Variants in KAZN observed in about 807,000 individuals in gnomAD.
KAZN encodes the protein kazrin.
Under a neutral mutation model 87.4 loss-of-function variants are expected in KAZN, and 40 were observed. That is an observed-to-expected ratio of 0.46 (90% CI 0.36 to 0.60). The LOEUF is 0.60. Among genes scored for constraint, KAZN ranks in the 20% least tolerant of loss-of-function variants. The pLI is 0.00. For missense variants in KAZN, 898 were observed against 1,073.9 expected (o/e 0.84, Z 2.29); for synonymous variants, 466 against 458.3 (o/e 1.02, Z -0.22).
At chr1:14,403,094 C>T (rs1055100948) in intron 2 of KAZN, among the ~76,000 whole-genome samples, 1 of 152,004 alleles carries the variant, frequency 6.6e-6, no homozygotes, top group Non-Finnish European at 1.5e-5. Context: ...CCAAAGTGCT[C>T]GGATTACAGG....
intron 1 of KAZN, among the ~76,000 whole-genome samples, chr1:14,610,246 C>G (rs1307311378): frequency 6.6e-6 from 1 of 152,182 alleles, no homozygotes; most frequent in Admixed American, 6.5e-5. Flanking sequence ...CTCATTCTGT[C>G]ACCCAGGTTG....
At chr1:13,961,664 A>T (rs1641758029) in intron 1 of KAZN, among the ~76,000 whole-genome samples, 1 of 152,164 alleles carries the variant, frequency 6.6e-6, no homozygotes, top group South Asian at 2.1e-4. Context: ...GGTGACATTG[A>T]AGTAACAATT....
intron 1 of KAZN, among the ~76,000 whole-genome samples, chr1:14,701,101 G>A (rs1641895895): frequency 6.6e-6 from 1 of 152,178 alleles, no homozygotes; most frequent in South Asian, 2.1e-4. Flanking sequence ...AGTGTATAAT[G>A]TAAAACATAT....
rs561423939 is a variant in KAZN at position 14,777,636 on chromosome 1, T to A, written c.226+178413T>A. On this transcript the variant is annotated intron_variant, in intron 1 of 14. Coordinates refer to ENST00000376030, the MANE Select transcript of KAZN (RefSeq NM_201628.3). ...TGTTCAAGTACTTTGCAATTGCTCT[T>A]CCTTCTTGGAACTCTCTTCATCCAG... Among the ~76,000 whole-genome samples the A allele has an allele frequency of 2.0e-5, 3 of 152,328 alleles. No homozygotes were observed. In the East Asian group the frequency reaches 5.8e-4, roughly 29 times the overall value.
chr1:14,813,507 A>C (rs945953287), intron 1 of KAZN, among the ~76,000 whole-genome samples: 4 of 152,216 alleles, frequency 2.6e-5, no homozygotes, highest in African/African-American at 9.6e-5. Flanking sequence ...TCATCCTGGA[A>C]GCGGATCTTC....
intron 1 of KAZN, among the ~76,000 whole-genome samples, chr1:14,128,330 TGC>T (rs1644917559): frequency 6.2e-5 from 2 of 32,372 alleles, no homozygotes; most frequent in Admixed American, 4.9e-4. Flanking sequence ...TGTGTTAGTT[TGC>T]TAAGAGGGAG....
At chr1:14,183,210 G>T (rs1646234544) in intron 2 of KAZN, among the ~76,000 whole-genome samples, 1 of 152,178 alleles carries the variant, frequency 6.6e-6, no homozygotes, top group African/African-American at 2.4e-5. Flanking sequence ...GCCGGACTAT[G>T]AAATTCCACC....
intron 1 of KAZN, among the ~76,000 whole-genome samples, chr1:14,075,497 C>T (rs1643415632): frequency 1.3e-5 from 2 of 152,080 alleles, no homozygotes; most frequent in South Asian, 4.1e-4. Flanking sequence ...TCCTTGGGAA[C>T]ATAGAAGCAG....
intron 2 of KAZN, among the ~76,000 whole-genome samples, chr1:14,451,933 T>TTTTTG (rs897525799): frequency 6.6e-5 from 9 of 137,374 alleles, no homozygotes; most frequent in East Asian, 2.1e-4. Flanking sequence ...GATTAACTCT[T>TTTTTG]TTTTGTTTTG....
At chr1:14,019,889 A>G (rs542312780) in intron 1 of KAZN, among the ~76,000 whole-genome samples, 22 of 152,262 alleles carry the variant, frequency 1.4e-4, no homozygotes, top group African/African-American at 4.6e-4. Context: ...TGGTTTTGGG[A>G]TGATTCAAGC....
At position 14,184,272 on chromosome 1, in the gene KAZN, TC is replaced by T. The variant is rs1646259322; in HGVS notation, c.249+3684del. Among the ~76,000 whole-genome samples the T allele has an allele frequency of 6.6e-6, 1 of 151,448 alleles. No individual in the cohort carries two copies. The highest frequency in any genetic ancestry group is 2.4e-5 in the African/African-American group (1 of 41,226). ...CCACCCGACCCAGCATCTCTCCTCC[TC>T]CCCTCCTATTTTCTCCTTCTCTCAA... On this transcript the variant is annotated intron_variant, in intron 2 of 16. Coordinates refer to the KAZN transcript ENST00000636203. This position sits in a 1 kb window ranked among gnomAD's most constrained non-coding sequence, Gnocchi z 4.2.
intron 1 of KAZN, among the ~76,000 whole-genome samples, chr1:14,770,738 G>A (rs78499652): frequency 6.6e-6 from 1 of 152,136 alleles, no homozygotes. Flanking sequence ...AGTGGTCAAA[G>A]TTAGGAAATT....
chr1:14,711,097 G>T (rs1246612907), intron 1 of KAZN, among the ~76,000 whole-genome samples: 1 of 152,208 alleles, frequency 6.6e-6, no homozygotes, highest in Non-Finnish European at 1.5e-5. Context: ...GGAGACTGAT[G>T]CAGGAGGCTC....
At chr1:14,483,344 A>T (rs1368867940) in intron 2 of KAZN, among the ~76,000 whole-genome samples, 1 of 152,206 alleles carries the variant, frequency 6.6e-6, no homozygotes, top group African/African-American at 2.4e-5. Flanking sequence ...GAGCAAAAAC[A>T]TCAGCAAGAG....
At chr1:14,170,692 A>G (rs1290434760) in intron 1 of KAZN, among the ~76,000 whole-genome samples, 1 of 151,496 alleles carries the variant, frequency 6.6e-6, no homozygotes, top group Non-Finnish European at 1.5e-5. Context: ...AGTTAATCCT[A>G]TGTTCTGCTC....
In KAZN at chr1:14,064,296, C is replaced by T. The variant is rs566016180; in HGVS notation, c.92-116139C>T. 8.5e-5 allele frequency among the ~76,000 whole-genome samples: 13 copies of T among 152,228 alleles called. No homozygotes were observed. In the South Asian group the frequency reaches 2.1e-3, roughly 24 times the overall value. ...GAGGCTGGGGGCTCTAAATTGACAG[C>T]GACATCAAGGCTTTTTGACCCAGGG... On this transcript the variant is annotated intron_variant, in intron 1 of 16. Coordinates refer to the KAZN transcript ENST00000636203.
intron 2 of KAZN, among the ~76,000 whole-genome samples, chr1:14,553,593 G>A (rs2148515917): frequency 6.6e-6 from 1 of 152,284 alleles, no homozygotes; most frequent in East Asian, 1.9e-4. Flanking sequence ...CTGGACCAGG[G>A]CCATGCGGCT....
chr1:14,363,886 A>G lies in KAZN; in HGVS notation c.249+183294A>G, dbSNP rs190665234. On this transcript the variant is annotated intron_variant, in intron 2 of 16. Transcript: ENST00000636203. ...TTGGGGAACCACTGGATTAAACACCATAAACGGTTGTGTATTTTGCGTGTA... is the reference window on the plus strand; with the variant it reads ...TTGGGGAACCACTGGATTAAACACCGTAAACGGTTGTGTATTTTGCGTGTA... 1.2e-3 allele frequency among the ~76,000 whole-genome samples: 186 copies of G among 152,254 alleles called. 1 individual carries two copies. The highest frequency in any genetic ancestry group is 4.1e-3 in the African/African-American group (169 of 41,556).
At chr1:14,885,459 T>C (rs1211850063) in intron 1 of KAZN, among the ~76,000 whole-genome samples, 1 of 152,216 alleles carries the variant, frequency 6.6e-6, no homozygotes, top group African/African-American at 2.4e-5. Flanking sequence ...CTCCAACATA[T>C]GTCAGGTCTG....
Sources: gnomAD v4.1 joint callset for allele counts (sites outside exome capture counted in the v4.1 genomes callset) on GRCh38, gnomAD v4.1.1 for gene constraint, Gnocchi (gnomAD v3.1) non-coding constraint, MANE v1.5 for transcripts, NCBI Gene and HGNC (gene_info 2026-07-23, HGNC 2026-07-21) for gene names.